The following FGL1 variants were observed in gnomAD, a reference collection of about 807,000 sequenced individuals.
FGL1 encodes the protein fibrinogen-like protein 1.
Under a neutral mutation model 43.7 loss-of-function variants are expected in FGL1, and 59 were observed. The ratio of observed to expected loss-of-function variants is 1.35; its 90% confidence interval spans 1.10 to 1.68. The LOEUF (loss-of-function observed/expected upper bound fraction) is 1.68, where lower values mean the gene tolerates loss of function less well. Ranked by LOEUF, FGL1 falls within the 40% of genes most tolerant of loss-of-function variation. The pLI is 0.00. For missense variants in FGL1, 596 were observed against 373.0 expected (o/e 1.60, Z -4.92); for synonymous variants, 192 against 126.5 (o/e 1.52, Z -3.48).
At chr8:17,878,393 C>A (rs1005529423) in intron 3 of FGL1, among the ~76,000 whole-genome samples, 2 of 152,316 alleles carry the variant, frequency 1.3e-5, no homozygotes, top group East Asian at 1.9e-4. Context: ...AGATGGGCAG[C>A]TGGACTTTGA....
chr8:17,875,539 T>C (rs199997887), intron 3 of FGL1, among the ~76,000 whole-genome samples: 691 of 14,424 alleles, frequency 0.048, 93 homozygotes, highest in African/African-American at 0.12. Context: ...TTCTTTCTCT[T>C]TCTTTCTTTC....
rs1221015122 is a variant in FGL1, at chr8:17,893,947, AATT to A, written c.-18+1497_-18+1499del. ...TGCCTTAGGCAGTATCAAAACTTTT[AATT>A]ATTATAAAATTAAAATTGTTATCAA... On this transcript the variant is annotated intron_variant, in intron 1 of 7. Transcript: ENST00000427924. Among the ~76,000 whole-genome samples the A allele has an allele frequency of 5.4e-5, 8 of 147,216 alleles. 1 individual carries two copies. The highest frequency in any genetic ancestry group is 4.7e-4 in the Admixed American group (7 of 14,998).
In FGL1 at chr8:17,887,439, G is replaced by A. The variant is rs2053644415; in HGVS notation, c.-17-1868C>T. Among the ~76,000 whole-genome samples the A allele has an allele frequency of 3.9e-5, 6 of 152,274 alleles. No homozygotes were observed. In the South Asian group the frequency reaches 1.2e-3, roughly 32 times the overall value. ...AGGCATATTTTACATTTCATTCTCT[G>A]TCCACATCAAATGGTCTAAAGAGAA... On this transcript the variant is annotated intron_variant, in intron 1 of 7. Coordinates refer to ENST00000427924, the MANE Select transcript of FGL1 (RefSeq NM_004467.4).
chr8:17,882,215 C>T, intron 2 of FGL1, 36 bp from the exon 3 acceptor site: 5 of 1,521,290 alleles, frequency 3.3e-6, no homozygotes, highest in Middle Eastern at 2.3e-4. Flanking sequence ...GTATGCACCT[C>T]ATTTTCATGG....
intron 5 of FGL1, among the ~76,000 whole-genome samples, chr8:17,871,518 T>G (rs1001571757): frequency 6.6e-6 from 1 of 151,738 alleles, no homozygotes; most frequent in Admixed American, 6.6e-5. Context: ...AAAAAAAACT[T>G]CTATTATAAC....
At position 17,868,642 on chromosome 8, in the gene FGL1, G is replaced by C. The variant is rs2053307810; in HGVS notation, c.685C>G (p.His229Asp). 1 of 1,613,936 alleles carries C rather than the reference G, an allele frequency of 6.2e-7. No individual in the cohort carries two copies. The change falls in exon 7 of 8, where the codon CAC becomes GAC. Residue 229 changes from histidine (H) to aspartate (D), a missense_variant. By Grantham distance (81) the His-to-Asp change is moderately conservative. Transcript: ENST00000427924. The part of the protein sequence containing the change: ...FHPEVQWWAS[H>D]QRMKFSTWDR... ...CACGTGCTGAATTTCATTCTTTGGTGACTAGCCCACCACTGCACCTCAGGA... is the reference window on the plus strand; with the variant it reads ...CACGTGCTGAATTTCATTCTTTGGTCACTAGCCCACCACTGCACCTCAGGA...
intron 3 of FGL1, among the ~76,000 whole-genome samples, chr8:17,876,058 T>C (rs767394250): frequency 4.6e-5 from 7 of 152,132 alleles, no homozygotes; most frequent in Non-Finnish European, 1.0e-4. Context: ...TTTAGGATGA[T>C]TGAAGTAGTG....
chr8:17,890,134 A>C (rs920085271), intron 1 of FGL1, among the ~76,000 whole-genome samples: 3 of 152,252 alleles, frequency 2.0e-5, no homozygotes, highest in African/African-American at 7.2e-5. Flanking sequence ...CAAATAGTGA[A>C]GCAAAGTAAC....
chr8:17,872,600 G>A (rs2053381063), intron 5 of FGL1, among the ~76,000 whole-genome samples: 1 of 152,160 alleles, frequency 6.6e-6, no homozygotes, highest in Non-Finnish European at 1.5e-5. Context: ...ACCATGCCCA[G>A]CTGTTTATTT....
intron 1 of FGL1, chr8:17,891,600 C>A (rs1294427434): frequency 2.7e-6 from 2 of 754,498 alleles, no homozygotes; most frequent in African/African-American, 3.8e-5. Flanking sequence ...TAGGAATGTA[C>A]ATGTTTTGGG....
chr8:17,873,955 A>T (rs2053403562), intron 5 of FGL1, 64 bp downstream of exon 5: 2 of 1,153,306 alleles, frequency 1.7e-6, no homozygotes, highest in South Asian at 1.7e-5. Flanking sequence ...TAATTTGGTT[A>T]AAAAAAAATT....
At chr8:17,870,050 C>T (rs1350704976) in intron 5 of FGL1, among the ~76,000 whole-genome samples, 2 of 152,044 alleles carry the variant, frequency 1.3e-5, no homozygotes, top group African/African-American at 4.8e-5. Context: ...GCAGAGCTTG[C>T]AGTGAGCCGA....
At chr8:17,892,165 A>G (rs570093834) in intron 1 of FGL1, among the ~76,000 whole-genome samples, 1 of 152,290 alleles carries the variant, frequency 6.6e-6, no homozygotes, top group Non-Finnish European at 1.5e-5. Flanking sequence ...AAAATTTATC[A>G]CAAAACTCAA....
At chr8:17,871,477 GC>G (rs1234519669) in intron 5 of FGL1, among the ~76,000 whole-genome samples, 6 of 119,458 alleles carry the variant, frequency 5.0e-5, no homozygotes, top group Middle Eastern at 5.1e-3. Context: ...TGGGCAACAG[GC>G]AAAAATCTGT....
At chr8:17,871,235 G>A (rs1438333062) in intron 5 of FGL1, among the ~76,000 whole-genome samples, 1 of 152,098 alleles carries the variant, frequency 6.6e-6, no homozygotes, top group Non-Finnish European at 1.5e-5. Flanking sequence ...GTTCATACCT[G>A]TAATTCAAGC....
intron 3 of FGL1, among the ~76,000 whole-genome samples, chr8:17,881,276 A>G (rs963288096): frequency 2.0e-5 from 3 of 151,766 alleles, no homozygotes; most frequent in Non-Finnish European, 4.4e-5. Flanking sequence ...AGCTGGGACT[A>G]CAGGCACCTG....
intron 3 of FGL1, among the ~76,000 whole-genome samples, chr8:17,878,282 A>T (rs954930782): frequency 2.0e-5 from 3 of 152,232 alleles, no homozygotes; most frequent in Middle Eastern, 3.2e-3. Context: ...AATATATTTT[A>T]ATCCTTACAA....
At chr8:17,873,601 G>A (rs1431942038) in intron 5 of FGL1, among the ~76,000 whole-genome samples, 1 of 151,668 alleles carries the variant, frequency 6.6e-6, no homozygotes, top group African/African-American at 2.4e-5. Flanking sequence ...ATAATCTCCA[G>A]GAACTCAAGG....
intron 3 of FGL1, among the ~76,000 whole-genome samples, 166 bp downstream of exon 3, chr8:17,881,833 C>CA (rs796756857): frequency 0.13 from 13,661 of 103,150 alleles, 1,321 homozygotes; most frequent in African/African-American, 0.27. Context: ...GACTCCGCCT[C>CA]AAAAAAAAAA....
Sources: gnomAD v4.1 joint callset for allele counts (sites outside exome capture counted in the v4.1 genomes callset) on GRCh38, gnomAD v4.1.1 for gene constraint, MANE v1.5 for transcripts, NCBI Gene and HGNC (gene_info 2026-07-23, HGNC 2026-07-21) for gene names.